The following HIVEP1 variants were observed in gnomAD, a reference collection of about 807,000 sequenced individuals.
The protein encoded by HIVEP1 is zinc finger protein 40.
In HIVEP1, 36 loss-of-function variants were observed where a neutral mutation model predicts 180.0. The observed-to-expected ratio is 0.20, with a 90% CI of 0.15 to 0.26. HIVEP1 has a LOEUF of 0.26. Ranked by LOEUF, HIVEP1 falls within the 10% of genes least tolerant of loss-of-function variation. The probability of loss-of-function intolerance (pLI) is 1.00; values close to 1 mark genes in which losing one functional copy is unlikely to be tolerated. For missense variants in HIVEP1, 3,143 were observed against 3,268.7 expected, an observed-to-expected ratio of 0.96 and a Z score of 0.94; for synonymous variants, 1,239 against 1,239.0, an observed-to-expected ratio of 1.00 and a Z score of 0.00.
At chr6:12,073,162 G>C (rs911249193) in intron 2 of HIVEP1, among the ~76,000 whole-genome samples, 3 of 152,106 alleles carry the variant, frequency 2.0e-5, no homozygotes, top group Admixed American at 2.0e-4. Flanking sequence ...TTTTAGAGTA[G>C]GTCTGTTGAG....
chr6:12,164,110 G>C lies in HIVEP1; in HGVS notation c.7806G>C (p.Gly2602=). 5 of 1,614,106 alleles carry C rather than the reference G, an allele frequency of 3.1e-6. No homozygotes were observed. Among genetic ancestry groups the C allele is most frequent in the African/African-American group, 2.7e-5 (2 of 75,042 alleles). ...NQVSRTESPQ[G]LPTVQRENAK... ...TCAGCAGGACCGAGTCTCCTCAGGGGTTACCTACAGTCCAGCGGGAAAATG... is the reference window on the plus strand; with the variant it reads ...TCAGCAGGACCGAGTCTCCTCAGGGCTTACCTACAGTCCAGCGGGAAAATG... The change falls in exon 9 of 9, where the codon GGG becomes GGC. Residue 2602 remains glycine, a synonymous_variant. Coordinates refer to ENST00000379388, the MANE Select transcript of HIVEP1 (RefSeq NM_002114.4).
chr6:12,123,847 T>C lies in HIVEP1; in HGVS notation c.4052T>C (p.Leu1351Ser). The change falls in exon 4 of 9, where the codon TTG (leucine) becomes TCG (serine). Residue 1351 changes from leucine to serine, a missense_variant. By Grantham distance (145) the Leu-to-Ser change is moderately radical. Transcript: ENST00000379388. ...GAGTTTCTTATGATTCCAGCTGGCT[T>C]GAATACTCTGAATGTTCCTGGATGT... Reference protein sequence around the residue: ...KAEFLMIPAGLNTLNVPGCHR... With the variant: ...KAEFLMIPAGSNTLNVPGCHR... 6.2e-7 allele frequency: 1 copy of C among 1,614,108 alleles called. No individual in the cohort carries two copies. The highest frequency in any genetic ancestry group is 1.3e-5 in the African/African-American group (1 of 75,046).
chr6:12,148,515 C>T (rs1273817397), intron 7 of HIVEP1, among the ~76,000 whole-genome samples: 3 of 152,206 alleles, frequency 2.0e-5, no homozygotes, highest in Non-Finnish European at 4.4e-5. Context: ...AACACACAAA[C>T]TTGCTGTCTT....
chr6:12,017,524 C>T (rs1188618609), intron 2 of HIVEP1, among the ~76,000 whole-genome samples: 1 of 151,864 alleles, frequency 6.6e-6, no homozygotes, highest in African/African-American at 2.4e-5. Flanking sequence ...TGCAAGGGGA[C>T]CCAAGCAGTT....
intron 3 of HIVEP1, among the ~76,000 whole-genome samples, chr6:12,118,844 A>G (rs1021428144): frequency 1.3e-5 from 2 of 152,258 alleles, no homozygotes; most frequent in African/African-American, 4.8e-5. Context: ...GGTCTGCTCT[A>G]GAAATTATAT....
chr6:12,189,331 T>C, the HIVEP1 span, among the ~76,000 whole-genome samples: 1 of 152,004 alleles, frequency 6.6e-6, no homozygotes, highest in Non-Finnish European at 1.5e-5. Flanking sequence ...AAAAGACTAA[T>C]AAATTTGATG....
intron 2 of HIVEP1, among the ~76,000 whole-genome samples, chr6:12,047,427 T>C (rs1770213720): frequency 6.6e-6 from 1 of 152,190 alleles, no homozygotes; most frequent in South Asian, 2.1e-4. Context: ...AATGGTGTTT[T>C]CGGAAGGCAT....
the HIVEP1 span, among the ~76,000 whole-genome samples, chr6:12,195,518 C>T: frequency 6.6e-6 from 1 of 152,200 alleles, no homozygotes; most frequent in Non-Finnish European, 1.5e-5. Context: ...GATTCCTCTA[C>T]AATTTTACAT....
At chr6:12,018,084 C>T (rs1767943362) in intron 2 of HIVEP1, among the ~76,000 whole-genome samples, 1 of 152,206 alleles carries the variant, frequency 6.6e-6, no homozygotes, top group Non-Finnish European at 1.5e-5. Context: ...CAGCTAAAGC[C>T]CGGCGAGAAA....
the HIVEP1 span, among the ~76,000 whole-genome samples, chr6:12,197,030 A>G: frequency 6.6e-6 from 1 of 152,206 alleles, no homozygotes; most frequent in African/African-American, 2.4e-5. Context: ...ATCAACTTCA[A>G]TTCAGGGTAA....
chr6:12,174,846 G>A, the HIVEP1 span, among the ~76,000 whole-genome samples: 5 of 151,866 alleles, frequency 3.3e-5, no homozygotes, highest in South Asian at 2.1e-4. Context: ...TCTTCAGCAC[G>A]TAGAATACAT....
the HIVEP1 span, among the ~76,000 whole-genome samples, chr6:12,211,908 TA>T: frequency 3.4e-3 from 521 of 152,268 alleles, 2 homozygotes; most frequent in African/African-American, 0.012. Context: ...TTCTGTACCC[TA>T]AAAAAAATTT....
At chr6:12,032,282 A>C (rs1270570713) in intron 2 of HIVEP1, among the ~76,000 whole-genome samples, 6 of 151,732 alleles carry the variant, frequency 4.0e-5, no homozygotes. Flanking sequence ...CTGCGACTAC[A>C]AGAGCGCCAC....
Position 12,100,321 on chromosome 6 carries a change from A to G in HIVEP1, c.94+11084A>G, listed in dbSNP as rs759787860. Reference sequence around the variant, plus strand: ...GGGGAGGGAGTTAACAATTTATAGCATTTTTCAAAGTGGTAAAAATACTCC... The same window carrying G: ...GGGGAGGGAGTTAACAATTTATAGCGTTTTTCAAAGTGGTAAAAATACTCC... On this transcript the variant is annotated intron_variant, in intron 3 of 8. Transcript: ENST00000379388. Among the ~76,000 whole-genome samples, 3 of 152,148 alleles carry G rather than the reference A, an allele frequency of 2.0e-5. No homozygotes were observed. The South Asian group carries it at 6.2e-4, about 32-fold the overall frequency.
chr6:12,149,936 T>C (rs978445908), intron 7 of HIVEP1, among the ~76,000 whole-genome samples: 2 of 152,196 alleles, frequency 1.3e-5, no homozygotes, highest in Admixed American at 6.5e-5. Flanking sequence ...GTCTTATCTT[T>C]TAGCAGATGG....
intron 2 of HIVEP1, among the ~76,000 whole-genome samples, chr6:12,046,599 TA>T (rs1645339584): frequency 6.6e-6 from 1 of 151,896 alleles, no homozygotes; most frequent in Non-Finnish European, 1.5e-5. Context: ...GCCAACATGG[TA>T]AAACCCTGTC....
intron 2 of HIVEP1, among the ~76,000 whole-genome samples, chr6:12,066,604 G>T (rs113180189): frequency 1.3e-5 from 2 of 152,236 alleles, no homozygotes; most frequent in Non-Finnish European, 2.9e-5. Context: ...AATGACACTT[G>T]TTCATTGTTT....
chr6:12,056,453 G>A (rs1025037924), intron 2 of HIVEP1, among the ~76,000 whole-genome samples: 1 of 152,116 alleles, frequency 6.6e-6, no homozygotes, highest in African/African-American at 2.4e-5. Context: ...TCATTTATTT[G>A]TTGTACATTT....
chr6:12,027,801 T>C (rs929991565), intron 2 of HIVEP1, among the ~76,000 whole-genome samples: 1 of 152,216 alleles, frequency 6.6e-6, no homozygotes, highest in Non-Finnish European at 1.5e-5. Context: ...AATTTGTCCT[T>C]AGGTTGTGGG....
Sources: allele counts gnomAD v4.1 joint callset (sites outside exome capture counted in the v4.1 genomes callset), GRCh38; gene constraint gnomAD v4.1.1; transcripts MANE v1.5; gene names NCBI Gene and HGNC (gene_info 2026-07-23, HGNC 2026-07-21).